XIRP2: variants seen among roughly 807,000 people sequenced by gnomAD.
The protein encoded by XIRP2 is xin actin binding repeat containing 2.
XIRP2 carries 236 observed loss-of-function variants against 277.0 expected under a neutral mutation model. The ratio of observed to expected loss-of-function variants is 0.85; its 90% CI spans 0.77 to 0.95. XIRP2 has a LOEUF of 0.95. Ranked by LOEUF, XIRP2 falls within the 40% of genes least tolerant of loss-of-function variation. XIRP2 has a pLI of 0.00. For synonymous variants in XIRP2, 1,490 were observed against 1,416.5 expected, an observed-to-expected ratio of 1.05 and a Z score of -1.17; for missense variants, 4,640 against 4,157.5, an observed-to-expected ratio of 1.12 and a Z score of -3.19.
intron 3 of XIRP2, among the ~76,000 whole-genome samples, chr2:167,193,879 C>CA (rs767047580): frequency 0.068 from 4,853 of 71,456 alleles, 196 homozygotes; most frequent in South Asian, 0.13. Flanking sequence ...GACTCTGTCT[C>CA]AAAAAAAAAA....
intron 2 of XIRP2, among the ~76,000 whole-genome samples, chr2:167,058,667 T>C (rs1160266848): frequency 6.6e-6 from 1 of 152,150 alleles, no homozygotes; most frequent in African/African-American, 2.4e-5. Context: ...GGCTGCTTGA[T>C]TTCAAGAAGG....
intron 2 of XIRP2, among the ~76,000 whole-genome samples, chr2:167,100,713 G>C (rs1324314095): frequency 6.6e-6 from 1 of 152,186 alleles, no homozygotes; most frequent in African/African-American, 2.4e-5. Flanking sequence ...AATGCTGGTT[G>C]ACATGAAATC....
intron 3 of XIRP2, among the ~76,000 whole-genome samples, chr2:167,188,674 C>T (rs1222436535): frequency 6.6e-6 from 1 of 152,198 alleles, no homozygotes; most frequent in Non-Finnish European, 1.5e-5. Context: ...TCTGCCTAAT[C>T]TTTGAGTATT....
At chr2:167,252,018 TA>T in intron 9 of XIRP2, 71 bp downstream of exon 9, 1 of 1,504,104 alleles carries the variant, frequency 6.6e-7, no homozygotes, top group Non-Finnish European at 8.8e-7. Context: ...CAAAATGATG[TA>T]CAGTTAAAAA....
intron 3 of XIRP2, among the ~76,000 whole-genome samples, chr2:167,198,963 T>C (rs1472226631): frequency 6.6e-6 from 1 of 152,200 alleles, no homozygotes; most frequent in African/African-American, 2.4e-5. Context: ...GAAAACAGTT[T>C]GTGTAAATTC....
chr2:166,897,196 G>A lies in XIRP2; in HGVS notation c.-18-6269G>A, dbSNP rs143165533. Among the ~76,000 whole-genome samples, 181 of 152,278 alleles carry A rather than the reference G, an allele frequency of 1.2e-3. 1 individual carries two copies. The highest frequency in any genetic ancestry group is 4.3e-3 in the African/African-American group (177 of 41,556). ...GGGTGTGCATGTTGTAATTCTCCCA[G>A]AATGGGATATCTATTAGGCTTCTTA... On this transcript the variant is annotated intron_variant, in intron 1 of 10. Coordinates refer to ENST00000409195, the MANE Select transcript of XIRP2 (RefSeq NM_152381.6).
intron 2 of XIRP2, among the ~76,000 whole-genome samples, chr2:166,940,481 G>T (rs1274434629): frequency 6.6e-6 from 1 of 152,178 alleles, no homozygotes; most frequent in Non-Finnish European, 1.5e-5. Flanking sequence ...TTGTTCTGTT[G>T]CTGGCGAGGA....
intron 2 of XIRP2, among the ~76,000 whole-genome samples, chr2:167,006,656 G>A (rs1687511598): frequency 6.6e-6 from 1 of 151,660 alleles, no homozygotes; most frequent in African/African-American, 2.4e-5. Context: ...TAAAATCCTT[G>A]GGGAGCAAAG....
At chr2:167,201,241 A>AG (rs1187728255) in intron 3 of XIRP2, among the ~76,000 whole-genome samples, 39 of 108,192 alleles carry the variant, frequency 3.6e-4, no homozygotes, top group African/African-American at 1.5e-3. Context: ...AAAGAAAGAA[A>AG]GAAAGAAAGA....
In XIRP2 at chr2:167,238,198, C is replaced by A. The variant is rs1402043336; in HGVS notation, c.859-1657C>A. On this transcript the variant is annotated intron_variant, in intron 5 of 10. Transcript: ENST00000409195. The stretch of plus-strand genomic sequence containing the variant: ...ATTCCTCACTTATTCATTATGTGAA[C>A]TTTTCCTTAGCACAAACTGTGTGTT... Among the ~76,000 whole-genome samples, 7 of 152,100 alleles carry A rather than the reference C, an allele frequency of 4.6e-5. No homozygotes were observed. The South Asian group carries it at 1.0e-3, about 22-fold the overall frequency.
chr2:167,004,834 A>G (rs1348492309), intron 2 of XIRP2, among the ~76,000 whole-genome samples: 1 of 151,850 alleles, frequency 6.6e-6, no homozygotes, highest in Non-Finnish European at 1.5e-5. Context: ...AGGCCAATCC[A>G]CCCATCTAAA....
intron 2 of XIRP2, among the ~76,000 whole-genome samples, chr2:167,018,374 G>A (rs1303902002): frequency 6.6e-6 from 1 of 151,842 alleles, no homozygotes; most frequent in Non-Finnish European, 1.5e-5. Flanking sequence ...TTGAGAAGCA[G>A]ACATCAAAAC....
At chr2:167,180,410 A>G (rs1692979236) in intron 3 of XIRP2, among the ~76,000 whole-genome samples, 1 of 152,098 alleles carries the variant, frequency 6.6e-6, no homozygotes, top group South Asian at 2.1e-4. Context: ...TGTTATGGAA[A>G]AATTTCTCAA....
In XIRP2 at chr2:167,248,411, G is replaced by A; in HGVS notation, c.7019G>A (p.Ser2340Asn). 6.2e-7 allele frequency: 1 copy of A among 1,613,602 alleles called. No homozygotes were observed. Residue 2340 changes from serine to asparagine, a missense_variant, in exon 9 of 11, where the codon AGT becomes AAT. Transcript: ENST00000409195. ...GAGAAGATAAAGGCTGAATTTGAAA[G>A]TTTTCCAGGCCTCCCTCTTCCTCCA... ...STEKIKAEFESFPGLPLPPPP... is the reference protein window; with the variant it reads ...STEKIKAEFENFPGLPLPPPP...
chr2:167,249,540 A>G lies in XIRP2; in HGVS notation c.8148A>G (p.Pro2716=). ...PNFKVKTIKL[P]TLDHTLNETD... Reference sequence around the variant, plus strand: ...TCAAAGTTAAAACCATCAAACTTCCAACTCTAGATCATACATTAAATGAAA... The same window carrying G: ...TCAAAGTTAAAACCATCAAACTTCCGACTCTAGATCATACATTAAATGAAA... Residue 2716 remains proline, a synonymous_variant, in exon 9 of 11, where the codon CCA becomes CCG. Coordinates refer to ENST00000409195, the MANE Select transcript of XIRP2 (RefSeq NM_152381.6). 1 of 1,613,694 alleles carries G rather than the reference A, an allele frequency of 6.2e-7. No homozygotes were observed. Among genetic ancestry groups the G allele is most frequent in the Non-Finnish European group, 8.5e-7 (1 of 1,179,754 alleles).
At chr2:167,110,657 CTT>C (rs113638617) in intron 2 of XIRP2, among the ~76,000 whole-genome samples, 1 of 151,804 alleles carries the variant, frequency 6.6e-6, no homozygotes. Flanking sequence ...GCTACTTGGA[CTT>C]TTTTTTATTC....
intron 2 of XIRP2, among the ~76,000 whole-genome samples, chr2:167,067,998 C>T (rs1001008048): frequency 6.6e-6 from 1 of 152,170 alleles, no homozygotes; most frequent in Non-Finnish European, 1.5e-5. Context: ...CAGAGCTTTG[C>T]TCCTTTCACA....
At chr2:167,081,826 T>G (rs1016196447) in intron 2 of XIRP2, among the ~76,000 whole-genome samples, 1 of 152,206 alleles carries the variant, frequency 6.6e-6, no homozygotes, top group African/African-American at 2.4e-5. Flanking sequence ...TATCTTAGCA[T>G]GTCAGAGAGC....
intron 2 of XIRP2, among the ~76,000 whole-genome samples, chr2:166,933,055 AT>A (rs1379529924): frequency 1.3e-5 from 2 of 151,678 alleles, no homozygotes; most frequent in Non-Finnish European, 2.9e-5. Context: ...TTATAAAATT[AT>A]TTTGTTAATC....
Sources: gnomAD v4.1 joint callset for allele counts (sites outside exome capture counted in the v4.1 genomes callset) on GRCh38, gnomAD v4.1.1 for gene constraint, MANE v1.5 for transcripts, NCBI Gene and HGNC (gene_info 2026-07-23, HGNC 2026-07-21) for gene names.